Variants in IFT57 observed in about 807,000 individuals in gnomAD.
The protein encoded by IFT57 is intraflagellar transport protein 57 homolog.
In IFT57, 59 loss-of-function variants were observed where a neutral mutation model predicts 56.8. The ratio of observed to expected loss-of-function variants is 1.04; its 90% CI spans 0.84 to 1.29. The LOEUF (loss-of-function observed/expected upper bound fraction) is 1.29. Ranked by LOEUF, IFT57 falls within the 50% of genes most tolerant of loss-of-function variation. The probability of loss-of-function intolerance (pLI) is 0.00; values close to 1 mark genes in which losing one functional copy is unlikely to be tolerated. For missense variants in IFT57, 470 were observed against 522.1 expected, an observed-to-expected ratio of 0.90 and a Z score of 0.97; for synonymous variants, 209 against 186.1, an observed-to-expected ratio of 1.12 and a Z score of -1.00.
At chr3:108,219,692 A>G (rs2080394889) in intron 1 of IFT57, 120 bp from the exon 2 acceptor site, 1 of 970,756 alleles carries the variant, frequency 1.0e-6, no homozygotes, top group South Asian at 1.6e-5. Context: ...ATGGCCATCA[A>G]AAGACCTCGA....
chr3:108,169,901 A>G (rs1041917870), intron 6 of IFT57, among the ~76,000 whole-genome samples: 10 of 152,056 alleles, frequency 6.6e-5, no homozygotes, highest in African/African-American at 2.4e-4. Context: ...CAAAAACCAC[A>G]TGATTATCCC....
At position 108,213,947 on chromosome 3, in the gene IFT57, A is replaced by C; in HGVS notation, c.569T>G (p.Val190Gly). The C allele has an allele frequency of 6.2e-7, 1 of 1,606,134 alleles. No individual in the cohort carries two copies. Among genetic ancestry groups the C allele is most frequent in the Non-Finnish European group, 8.5e-7 (1 of 1,173,400 alleles). Residue 190 changes from valine to glycine, a missense_variant, in exon 4 of 11, where the codon GTG becomes GGG. Val to Gly is a moderately radical substitution (Grantham distance 109). Coordinates refer to ENST00000264538, the MANE Select transcript of IFT57 (RefSeq NM_018010.4). The part of the protein sequence containing the change: ...EDDAELTLNK[V>G]DEEFVEEETD... ...CACACATACCACAAATTCTTCATCC[A>C]CTTTATTTAATGTTAATTCTGCATC...
intron 5 of IFT57, among the ~76,000 whole-genome samples, chr3:108,203,495 A>C (rs1235533246): frequency 6.6e-6 from 1 of 152,212 alleles, no homozygotes; most frequent in African/African-American, 2.4e-5. Flanking sequence ...TTATTTAATG[A>C]AAGGAAGGAA....
intron 6 of IFT57, among the ~76,000 whole-genome samples, chr3:108,173,554 A>G (rs1433018901): frequency 6.6e-6 from 1 of 151,870 alleles, no homozygotes; most frequent in East Asian, 1.9e-4. Context: ...AAAGGCTTAC[A>G]TTAGCCTCAG....
At chr3:108,212,607 G>A (rs1056826250) in intron 4 of IFT57, among the ~76,000 whole-genome samples, 4 of 152,006 alleles carry the variant, frequency 2.6e-5, no homozygotes, top group Non-Finnish European at 4.4e-5. Flanking sequence ...CTTACCCAGC[G>A]CCTCAAGTAT....
intron 6 of IFT57, among the ~76,000 whole-genome samples, chr3:108,170,431 A>C (rs755793756): frequency 3.3e-5 from 5 of 151,970 alleles, no homozygotes; most frequent in African/African-American, 4.8e-5. Context: ...ATCTAGGAAT[A>C]CAACTTACAA....
intron 6 of IFT57, among the ~76,000 whole-genome samples, chr3:108,176,360 C>T (rs7610003): frequency 0.096 from 14,629 of 151,678 alleles, 775 homozygotes; most frequent in Middle Eastern, 0.12. Flanking sequence ...AAATTGAGGT[C>T]ATGTGATTTT....
intron 6 of IFT57, among the ~76,000 whole-genome samples, chr3:108,175,287 A>C (rs1230045487): frequency 6.6e-6 from 1 of 151,746 alleles, no homozygotes; most frequent in Non-Finnish European, 1.5e-5. Context: ...GAGAACACTA[A>C]TACTACAGTA....
rs2080034427 is a variant in IFT57 at position 108,161,877 on chromosome 3, G to A, written c.*600C>T. The A allele has an allele frequency of 6.6e-6, 1 of 152,056 alleles. No individual in the cohort carries two copies. The highest frequency in any genetic ancestry group is 6.6e-5 in the Admixed American group (1 of 15,246). 9.4% of individuals were successfully genotyped at this position (152,056 alleles called of 1,614,324 possible). ...CATCATTCATTTATCCTTTTATTTA[G>A]TGGCTTAGATCCTAGAAGATAGATT... On this transcript the variant is annotated 3_prime_UTR_variant, in exon 11 of 11. Transcript: ENST00000264538.
At chr3:108,206,523 C>T in intron 5 of IFT57, 105 bp downstream of exon 5, 1 of 448,282 alleles carries the variant, frequency 2.2e-6, no homozygotes, top group South Asian at 5.1e-5. Flanking sequence ...ACTTTTGAAA[C>T]AGCATACAAA....
chr3:108,221,361 G>C (rs1460181615), intron 1 of IFT57, among the ~76,000 whole-genome samples: 1 of 152,210 alleles, frequency 6.6e-6, no homozygotes, highest in Non-Finnish European at 1.5e-5. Context: ...AGTGATTTGA[G>C]GAGAAGGTCC....
intron 5 of IFT57, among the ~76,000 whole-genome samples, chr3:108,205,964 T>C (rs1360279340): frequency 4.2e-5 from 3 of 71,490 alleles, no homozygotes; most frequent in African/African-American, 1.4e-4. Context: ...TATAAATATA[T>C]TATATATTTA....
At chr3:108,205,138 G>A (rs749974863) in intron 5 of IFT57, among the ~76,000 whole-genome samples, 1 of 152,082 alleles carries the variant, frequency 6.6e-6, no homozygotes. Flanking sequence ...CGTTATCAAG[G>A]AGCTTACAAA....
At chr3:108,179,404 T>C (rs908598192) in intron 6 of IFT57, among the ~76,000 whole-genome samples, 2 of 151,944 alleles carry the variant, frequency 1.3e-5, no homozygotes, top group Non-Finnish European at 2.9e-5. Context: ...ATATCTAAGT[T>C]TACTCTAGGA....
chr3:108,190,590 T>G (rs1002876344), intron 6 of IFT57, among the ~76,000 whole-genome samples: 1 of 152,232 alleles, frequency 6.6e-6, no homozygotes, highest in Non-Finnish European at 1.5e-5. Flanking sequence ...TCCCCAGCCA[T>G]GCTGAACTAT....
intron 8 of IFT57, among the ~76,000 whole-genome samples, chr3:108,165,852 CA>C (rs1313651987): frequency 6.6e-6 from 1 of 151,862 alleles, no homozygotes; most frequent in African/African-American, 2.4e-5. Flanking sequence ...GTTCTAAAAC[CA>C]AAAATCAATC....
At chr3:108,218,186 G>A (rs2080383791) in intron 3 of IFT57, among the ~76,000 whole-genome samples, 1 of 151,794 alleles carries the variant, frequency 6.6e-6, no homozygotes, top group Admixed American at 6.6e-5. Context: ...GTAGCTATCA[G>A]TTCCCTCTGT....
intron 1 of IFT57, among the ~76,000 whole-genome samples, chr3:108,220,676 G>C (rs147015604): frequency 4.0e-5 from 6 of 151,680 alleles, no homozygotes; most frequent in Non-Finnish European, 7.4e-5. Flanking sequence ...CCAAACATTA[G>C]TGTCCATCAG....
intron 6 of IFT57, among the ~76,000 whole-genome samples, chr3:108,173,252 C>T (rs533319454): frequency 1.0e-4 from 15 of 149,200 alleles, no homozygotes; most frequent in African/African-American, 3.7e-4. Flanking sequence ...CAAACATATG[C>T]AAACACACAC....
Sources: gnomAD v4.1 joint callset for allele counts (sites outside exome capture counted in the v4.1 genomes callset) on GRCh38, gnomAD v4.1.1 for gene constraint, MANE v1.5 for transcripts, NCBI Gene and HGNC (gene_info 2026-07-23, HGNC 2026-07-21) for gene names.